PRKCA: variants seen among roughly 807,000 people sequenced by gnomAD.
PRKCA encodes protein kinase C alpha type.
A neutral mutation model predicts 87.0 loss-of-function variants in PRKCA; 27 were observed. That is an observed-to-expected ratio of 0.31 (90% CI 0.23 to 0.43). The LOEUF (loss-of-function observed/expected upper bound fraction) is 0.43, where lower values mean the gene tolerates loss of function less well. Among genes scored for constraint, PRKCA ranks in the 20% least tolerant of loss-of-function variants. The pLI is 1.00. For synonymous variants in PRKCA, 329 were observed against 311.1 expected, an observed-to-expected ratio of 1.06 and a Z score of -0.61; for missense variants, 518 against 852.3, an observed-to-expected ratio of 0.61 and a Z score of 4.88.
intron 2 of PRKCA, 92 bp downstream of exon 2, chr17:66,306,219 TA>T (rs1046493414): frequency 1.6e-5 from 22 of 1,346,522 alleles, no homozygotes; most frequent in East Asian, 9.4e-5. Context: ...TTCTTTCCAA[TA>T]AAAAAATGTT....
chr17:66,797,376 G>T (rs1013107619), intron 16 of PRKCA, among the ~76,000 whole-genome samples: 7 of 152,200 alleles, frequency 4.6e-5, no homozygotes, highest in African/African-American at 1.7e-4. Context: ...TTGACCAAAT[G>T]GGTAGGAATA....
intron 3 of PRKCA, among the ~76,000 whole-genome samples, chr17:66,578,032 C>T (rs1969294765): frequency 6.6e-6 from 1 of 151,998 alleles, no homozygotes; most frequent in African/African-American, 2.4e-5. Context: ...CCCGTGAGCT[C>T]TTTCTTTAAC....
At chr17:66,421,146 A>T (rs770942731) in intron 2 of PRKCA, among the ~76,000 whole-genome samples, 22 of 152,180 alleles carry the variant, frequency 1.4e-4, no homozygotes, top group Non-Finnish European at 2.5e-4. Flanking sequence ...TGCTTGCCTG[A>T]TGGCTACTCC....
At chr17:66,752,491 A>C (rs1437142209) in intron 13 of PRKCA, among the ~76,000 whole-genome samples, 2 of 152,122 alleles carry the variant, frequency 1.3e-5, no homozygotes, top group Non-Finnish European at 2.9e-5. Flanking sequence ...CCAGCTACTC[A>C]GGAGGTTGAG....
intron 2 of PRKCA, among the ~76,000 whole-genome samples, chr17:66,411,981 T>C (rs1218267124): frequency 1.3e-5 from 2 of 150,542 alleles, no homozygotes; most frequent in Non-Finnish European, 2.9e-5. Context: ...GAGAGATCAT[T>C]ATTTTTCAGG....
chr17:66,385,564 T>A (rs1265118418), intron 2 of PRKCA, among the ~76,000 whole-genome samples: 2 of 152,126 alleles, frequency 1.3e-5, no homozygotes, highest in African/African-American at 4.8e-5. Context: ...AAAACTCTTT[T>A]AAAAATTAAA....
chr17:66,511,630 G>A (rs1246344297), intron 3 of PRKCA, among the ~76,000 whole-genome samples: 1 of 151,986 alleles, frequency 6.6e-6, no homozygotes, highest in Admixed American at 6.6e-5. Flanking sequence ...TTTGCTGCTC[G>A]CTGTCAGTTT....
intron 3 of PRKCA, among the ~76,000 whole-genome samples, chr17:66,546,990 A>T (rs1261419957): frequency 6.6e-6 from 1 of 152,136 alleles, no homozygotes; most frequent in Non-Finnish European, 1.5e-5. Context: ...AGCATCTCCC[A>T]TATCTGTCCC....
At chr17:66,731,205 T>C (rs1973876453) in intron 8 of PRKCA, among the ~76,000 whole-genome samples, 2 of 151,836 alleles carry the variant, frequency 1.3e-5, no homozygotes, top group Admixed American at 1.3e-4. Context: ...ACAAAAAAAT[T>C]AGCCATGCAT....
At chr17:66,739,550 C>T (rs766341430) in intron 11 of PRKCA, among the ~76,000 whole-genome samples, 2 of 152,100 alleles carry the variant, frequency 1.3e-5, no homozygotes, top group African/African-American at 2.4e-5. Flanking sequence ...ATTAATAGTG[C>T]GTTGCTGTAA....
chr17:66,513,083 T>C (rs1917314498), intron 3 of PRKCA, among the ~76,000 whole-genome samples: 1 of 152,254 alleles, frequency 6.6e-6, no homozygotes, highest in Non-Finnish European at 1.5e-5. Flanking sequence ...TTATTGGGTA[T>C]CTTTCCACCA....
At chr17:66,710,258 C>T (rs184909592) in intron 8 of PRKCA, among the ~76,000 whole-genome samples, 5 of 152,136 alleles carry the variant, frequency 3.3e-5, no homozygotes, top group Admixed American at 3.3e-4. Context: ...CACCTTCTCT[C>T]CTGACCCTGG....
chr17:66,330,481 T>C (rs1333914562), intron 2 of PRKCA, among the ~76,000 whole-genome samples: 1 of 152,180 alleles, frequency 6.6e-6, no homozygotes, highest in Non-Finnish European at 1.5e-5. Context: ...TATTTACTTA[T>C]CCAGGATATT....
chr17:66,478,098 G>T (rs548664602), intron 2 of PRKCA, among the ~76,000 whole-genome samples: 106 of 152,240 alleles, frequency 7.0e-4, no homozygotes, highest in Non-Finnish European at 1.4e-3. Flanking sequence ...TGTTTAAAGG[G>T]GAAGGAGGAA....
intron 8 of PRKCA, among the ~76,000 whole-genome samples, chr17:66,706,102 G>A (rs552898223): frequency 1.3e-5 from 2 of 152,244 alleles, no homozygotes; most frequent in Middle Eastern, 6.8e-3. Flanking sequence ...CTCTGACCCA[G>A]TCAGAATATT....
At chr17:66,802,889 C>T (rs866991747) in intron 16 of PRKCA, among the ~76,000 whole-genome samples, 3 of 152,188 alleles carry the variant, frequency 2.0e-5, no homozygotes, top group Admixed American at 6.5e-5. Flanking sequence ...GGTCCAAGGG[C>T]AGTAATTGGC....
intron 3 of PRKCA, among the ~76,000 whole-genome samples, chr17:66,519,119 G>A (rs1047419151): frequency 6.6e-6 from 1 of 152,144 alleles, no homozygotes; most frequent in Non-Finnish European, 1.5e-5. Context: ...TGCAGATAGT[G>A]AGCTATGTCC....
At chr17:66,339,397 G>A (rs912444445) in intron 2 of PRKCA, among the ~76,000 whole-genome samples, 7 of 151,966 alleles carry the variant, frequency 4.6e-5, no homozygotes, top group African/African-American at 1.2e-4. Flanking sequence ...CATTTCTTAC[G>A]CTTCCACTTG....
At chr17:66,384,722 G>C (rs969803957) in intron 2 of PRKCA, among the ~76,000 whole-genome samples, 1 of 151,890 alleles carries the variant, frequency 6.6e-6, no homozygotes, top group African/African-American at 2.4e-5. Context: ...TCCACCTCCC[G>C]TGTTTATGCC....
Sources: gnomAD v4.1 joint callset for allele counts (sites outside exome capture counted in the v4.1 genomes callset) on GRCh38, gnomAD v4.1.1 for gene constraint, MANE v1.5 for transcripts, NCBI Gene and HGNC (gene_info 2026-07-23, HGNC 2026-07-21) for gene names.